Variants in PARP15 observed in about 807,000 individuals in gnomAD.
PARP15 encodes protein mono-ADP-ribosyltransferase PARP15.
A neutral mutation model predicts 62.1 loss-of-function variants in PARP15; 50 were observed. That is an observed-to-expected ratio of 0.81 (90% CI 0.64 to 1.02). PARP15 has a LOEUF of 1.02. PARP15 is among the 50% of genes least tolerant of loss of function. The pLI is 0.00. For synonymous variants in PARP15, 309 were observed against 293.1 expected (o/e 1.05, Z -0.55); for missense variants, 820 against 826.5 (o/e 0.99, Z 0.10).
Position 122,632,165 on chromosome 3 carries a change from TA to T in PARP15, c.1520del (p.Asn507IlefsTer3). The T allele has an allele frequency of 3.7e-6, 6 of 1,613,884 alleles. No individual in the cohort carries two copies. The highest frequency in any genetic ancestry group is 5.1e-6 in the Non-Finnish European group (6 of 1,179,828). The stretch of plus-strand genomic sequence containing the variant: ...AGCTAGAGCCAGGACAATCAGAATA[TA>T]ATACCATAAAGGACAAGTTCACCCG... ...VQLEPGQSEY[N>X]TIKDKFTRTC... On this transcript the variant is annotated frameshift_variant, in exon 10 of 12. Coordinates refer to ENST00000464300, the MANE Select transcript of PARP15 (RefSeq NM_001113523.3). LOFTEE classifies it high-confidence loss of function.
At chr3:122,620,066 A>G (rs1246209107) in intron 7 of PARP15, among the ~76,000 whole-genome samples, 1 of 152,252 alleles carries the variant, frequency 6.6e-6, no homozygotes, top group South Asian at 2.1e-4. Flanking sequence ...TGAGTAGTAA[A>G]AAGAACCCAG....
At chr3:122,625,414 T>C (rs930551346) in intron 8 of PARP15, among the ~76,000 whole-genome samples, 2 of 152,108 alleles carry the variant, frequency 1.3e-5, no homozygotes, top group Admixed American at 1.3e-4. Context: ...CCACCATGGC[T>C]GGCTAATTTT....
chr3:122,591,760 G>T lies in PARP15; in HGVS notation c.186+13907G>T, dbSNP rs1933937596. On this transcript the variant is annotated intron_variant, in intron 1 of 11. Coordinates refer to ENST00000464300, the MANE Select transcript of PARP15 (RefSeq NM_001113523.3). ...CAGCCTGGTGACAGAGCGAGACTCT[G>T]TCTCAAAAAAAAAAAAAAAAAGGTA... is the stretch of plus-strand genomic sequence containing the variant. Among the ~76,000 whole-genome samples the T allele has an allele frequency of 4.0e-4, 5 of 12,598 alleles. No homozygotes were observed. In the South Asian group the frequency reaches 6.3e-3, roughly 16 times the overall value. The allele number at this position is 12,598 out of a possible 152,430, so 8.3% of individuals were successfully genotyped here. A position where few individuals can be genotyped will look rare whatever the true frequency, so the allele number is the denominator to read the frequency against.
chr3:122,631,154 A>G (rs1191552324), intron 9 of PARP15, among the ~76,000 whole-genome samples: 1 of 152,274 alleles, frequency 6.6e-6, no homozygotes, highest in Non-Finnish European at 1.5e-5. Context: ...ATGATTAGGC[A>G]GAAAGATCCT....
intron 1 of PARP15, among the ~76,000 whole-genome samples, chr3:122,594,129 G>A (rs549585235): frequency 6.6e-6 from 1 of 152,172 alleles, no homozygotes; most frequent in Admixed American, 6.5e-5. Flanking sequence ...ACTTCTGAGT[G>A]TATTTTCTTA....
chr3:122,582,639 A>C (rs1933042168), intron 1 of PARP15, among the ~76,000 whole-genome samples: 1 of 152,098 alleles, frequency 6.6e-6, no homozygotes, highest in Admixed American at 6.5e-5. Flanking sequence ...CACTGGTTTT[A>C]ATCAAGTAGA....
At chr3:122,585,602 C>T (rs776326376) in intron 1 of PARP15, among the ~76,000 whole-genome samples, 6 of 152,328 alleles carry the variant, frequency 3.9e-5, no homozygotes, top group Middle Eastern at 3.4e-3. Context: ...TGTTCAGCTA[C>T]GTGACCTTCA....
rs373178524 is a variant in PARP15 at position 122,605,920 on chromosome 3, A to G, written c.187-16A>G. 1.3e-5 allele frequency: 20 copies of G among 1,550,070 alleles called. No homozygotes were observed. Among genetic ancestry groups the G allele is most frequent in the Non-Finnish European group, 1.7e-5 (20 of 1,146,142 alleles). ...AAATTGGCATTGCTGGTAATGCTTT[A>G]CTGTTTTCTCCACAGTCCAGAGACA... On this transcript the variant is annotated splice_polypyrimidine_tract_variant and intron_variant, in intron 1 of 11. Coordinates refer to ENST00000464300, the MANE Select transcript of PARP15 (RefSeq NM_001113523.3).
At chr3:122,602,643 C>T (rs1442355812) in intron 1 of PARP15, among the ~76,000 whole-genome samples, 1 of 152,162 alleles carries the variant, frequency 6.6e-6, no homozygotes, top group East Asian at 1.9e-4. Context: ...ATAACCATTC[C>T]TTTCAAAAAT....
chr3:122,582,419 C>T (rs576636738), intron 1 of PARP15, among the ~76,000 whole-genome samples: 1 of 152,306 alleles, frequency 6.6e-6, no homozygotes, highest in Non-Finnish European at 1.5e-5. Flanking sequence ...TCAAGCAATT[C>T]TCTCACCTCA....
chr3:122,628,168 TATCCAGTGGAGATATACAGTC>T (rs1308649945), intron 9 of PARP15, among the ~76,000 whole-genome samples: 2 of 152,234 alleles, frequency 1.3e-5, no homozygotes, highest in Non-Finnish European at 2.9e-5. Flanking sequence ...GGAAAGAGTA[TATCCAGTGGAGATATACAGTC>T]ATCATCAGGA....
chr3:122,617,375 T>A (rs1936048629), intron 6 of PARP15, among the ~76,000 whole-genome samples: 1 of 152,198 alleles, frequency 6.6e-6, no homozygotes, highest in Admixed American at 6.5e-5. Context: ...TCAGTTTCTT[T>A]GCCTGTCAAA....
chr3:122,598,913 T>G (rs1169365605), intron 1 of PARP15, among the ~76,000 whole-genome samples: 3 of 152,126 alleles, frequency 2.0e-5, no homozygotes, highest in African/African-American at 7.2e-5. Flanking sequence ...TTTTTTGAGA[T>G]GGAGTTTTGC....
chr3:122,627,400 A>AATC (rs1455660901), intron 9 of PARP15, among the ~76,000 whole-genome samples: 1 of 152,202 alleles, frequency 6.6e-6, no homozygotes, highest in Non-Finnish European at 1.5e-5. Flanking sequence ...TTGGTCTGCT[A>AATC]ATCATCCCCC....
chr3:122,630,131 A>C (rs1936978498), intron 9 of PARP15, among the ~76,000 whole-genome samples: 1 of 152,194 alleles, frequency 6.6e-6, no homozygotes, highest in Non-Finnish European at 1.5e-5. Context: ...CACTTTTAAA[A>C]GGGTAGTTAT....
chr3:122,631,963 A>T, intron 9 of PARP15, 123 bp from the exon 10 acceptor site: 1 of 1,043,512 alleles, frequency 9.6e-7, no homozygotes, highest in Non-Finnish European at 1.4e-6. Flanking sequence ...CAATTGTGAA[A>T]TGTGTAACTT....
rs764796896 is a variant in PARP15 at position 122,635,918 on chromosome 3, C to T, written c.1855C>T (p.Arg619Ter). ...TGGGAGAAAGCACATGTACGTTGTGCGAGTACTTACTGGAGTCTTCACAAA... is the reference window on the plus strand; with the variant it reads ...TGGGAGAAAGCACATGTACGTTGTGTGAGTACTTACTGGAGTCTTCACAAA... ...SNGRKHMYVVRVLTGVFTKGR... is the reference protein window; with the variant it reads ...SNGRKHMYVV The change falls in exon 12 of 12, where the codon CGA becomes TGA. Residue 619 changes from arginine to a stop codon, truncating the protein, a stop_gained. Coordinates refer to ENST00000464300, the MANE Select transcript of PARP15 (RefSeq NM_001113523.3). LOFTEE classifies it low-confidence loss of function (END_TRUNC). 26 of 1,613,952 alleles carry T rather than the reference C, an allele frequency of 1.6e-5. No individual in the cohort carries two copies. The highest frequency in any genetic ancestry group is 6.6e-5 in the South Asian group (6 of 91,074).
At chr3:122,635,517 C>T (rs1365181117) in intron 11 of PARP15, among the ~76,000 whole-genome samples, 1 of 151,780 alleles carries the variant, frequency 6.6e-6, no homozygotes. Flanking sequence ...CAAATGATGC[C>T]CCCACCTCAG....
At chr3:122,589,308 G>T (rs1452206863) in intron 1 of PARP15, among the ~76,000 whole-genome samples, 2 of 152,124 alleles carry the variant, frequency 1.3e-5, no homozygotes, top group African/African-American at 2.4e-5. Context: ...TCTCCCGAGA[G>T]CCCCAACTCC....
Sources: gnomAD v4.1 joint callset for allele counts (sites outside exome capture counted in the v4.1 genomes callset) on GRCh38, gnomAD v4.1.1 for gene constraint, MANE v1.5 for transcripts, NCBI Gene and HGNC (gene_info 2026-07-23, HGNC 2026-07-21) for gene names.